MAGI2: variants seen among roughly 807,000 people sequenced by gnomAD.
The protein encoded by MAGI2 is membrane-associated guanylate kinase, WW and PDZ domain-containing protein 2.
A neutral mutation model predicts 133.3 loss-of-function variants in MAGI2; 35 were observed. That is an observed-to-expected ratio of 0.26 (90% confidence interval 0.20 to 0.35). The LOEUF is 0.35. Among genes scored for constraint, MAGI2 ranks in the 10% least tolerant of loss-of-function variants. MAGI2 has a pLI of 1.00. For synonymous variants in MAGI2, 729 were observed against 710.6 expected (o/e 1.03, Z -0.41); for missense variants, 1,636 against 1,863.4 (o/e 0.88, Z 2.25).
intron 1 of MAGI2, among the ~76,000 whole-genome samples, chr7:79,050,699 GA>G (rs1584792335): frequency 1.3e-5 from 2 of 152,056 alleles, no homozygotes; most frequent in African/African-American, 4.8e-5. Flanking sequence ...ATAAATTCTC[GA>G]AAAAATTTTT....
At chr7:78,550,251 G>C (rs1429867035) in intron 3 of MAGI2, among the ~76,000 whole-genome samples, 1 of 152,176 alleles carries the variant, frequency 6.6e-6, no homozygotes, top group Non-Finnish European at 1.5e-5. Flanking sequence ...CTTTAGAACA[G>C]AAGTTAGATG....
intron 1 of MAGI2, among the ~76,000 whole-genome samples, chr7:79,204,956 T>G (rs1200881794): frequency 6.6e-6 from 1 of 151,396 alleles, no homozygotes; most frequent in African/African-American, 2.4e-5. Context: ...TGTAAAGGAA[T>G]GAAAAAAGCT....
At chr7:78,078,802 GTGTGTGTGTGTA>G in intron 21 of MAGI2, 133 bp downstream of exon 21, 2 of 766,526 alleles carry the variant, frequency 2.6e-6, no homozygotes, top group Non-Finnish European at 4.4e-6. Context: ...GTGTGTGTGT[GTGTGTGTGTGTA>G]TATATATACC....
intron 3 of MAGI2, among the ~76,000 whole-genome samples, chr7:78,619,157 G>T (rs144231958): frequency 1.3e-5 from 2 of 151,306 alleles, no homozygotes; most frequent in Admixed American, 6.6e-5. Flanking sequence ...ATAAATATAC[G>T]CAATTATTAT....
chr7:78,838,054 T>A (rs1301812332), intron 2 of MAGI2, among the ~76,000 whole-genome samples: 10 of 152,134 alleles, frequency 6.6e-5, no homozygotes, highest in Non-Finnish European at 1.5e-4. Context: ...CTCATGCATC[T>A]TTAATGCATC....
rs558008676 is a variant in MAGI2, at chr7:78,864,011, G to A, written c.418+143079C>T. 1.3e-4 allele frequency among the ~76,000 whole-genome samples: 20 copies of A among 152,308 alleles called. No homozygotes were observed. The South Asian group carries it at 4.1e-3, about 32-fold the overall frequency. On this transcript the variant is annotated intron_variant, in intron 2 of 21. Transcript: ENST00000354212. ...AGTGTTCATTTGATGGGAAAAAGCTGTACAAGGTAAGAGTTAAGCTTTTGA... is the reference window on the plus strand; with the variant it reads ...AGTGTTCATTTGATGGGAAAAAGCTATACAAGGTAAGAGTTAAGCTTTTGA...
intron 2 of MAGI2, among the ~76,000 whole-genome samples, chr7:78,954,748 G>A (rs183077853): frequency 7.9e-5 from 12 of 152,252 alleles, no homozygotes; most frequent in East Asian, 5.8e-4. Flanking sequence ...GTTTTACTGC[G>A]TGTTAATAGA....
chr7:79,256,758 T>G (rs1475866212), intron 1 of MAGI2, among the ~76,000 whole-genome samples: 2 of 152,264 alleles, frequency 1.3e-5, no homozygotes, highest in East Asian at 3.9e-4. Context: ...CCCAAAGTGT[T>G]GGGATTACAG....
intron 1 of MAGI2, among the ~76,000 whole-genome samples, chr7:79,356,866 A>C (rs772208468): frequency 6.6e-6 from 1 of 152,200 alleles, no homozygotes; most frequent in Non-Finnish European, 1.5e-5. Flanking sequence ...TACTCTTTAC[A>C]TCAATGAGTA....
chr7:78,359,331 T>G (rs973021916), intron 7 of MAGI2: 6 of 152,212 alleles, frequency 3.9e-5, no homozygotes, highest in Non-Finnish European at 8.8e-5. Flanking sequence ...GATCTTACTG[T>G]TATTCAAAGG....
At position 78,774,650 on chromosome 7, in the gene MAGI2, C is replaced by G. The variant is rs530443555; in HGVS notation, c.419-147411G>C. On this transcript the variant is annotated intron_variant, in intron 2 of 21. Coordinates refer to ENST00000354212, the MANE Select transcript of MAGI2 (RefSeq NM_012301.4). ...ATCTCATCAGTTATAGCCAGAGTGT[C>G]TCACATTCACTTTGCAGGAGCTCTG... Among the ~76,000 whole-genome samples the G allele has an allele frequency of 6.6e-5, 10 of 152,268 alleles. No homozygotes were observed. In the South Asian group the frequency reaches 2.1e-3, roughly 32 times the overall value.
intron 2 of MAGI2, among the ~76,000 whole-genome samples, chr7:78,754,886 G>C (rs1823798176): frequency 6.6e-6 from 1 of 152,142 alleles, no homozygotes; most frequent in Non-Finnish European, 1.5e-5. Flanking sequence ...TGATATTTCA[G>C]GTCTGCTTCC....
intron 11 of MAGI2, among the ~76,000 whole-genome samples, chr7:78,196,512 T>C (rs949936431): frequency 6.6e-6 from 1 of 152,236 alleles, no homozygotes; most frequent in Non-Finnish European, 1.5e-5. Context: ...ACCGTCCTGC[T>C]TTAGTTTTCA....
chr7:79,237,661 A>G (rs1418191100), intron 1 of MAGI2, among the ~76,000 whole-genome samples: 1 of 152,114 alleles, frequency 6.6e-6, no homozygotes, highest in Non-Finnish European at 1.5e-5. Flanking sequence ...TTCTCTACCT[A>G]TTATATTAAT....
chr7:78,667,938 T>C (rs889444183), intron 2 of MAGI2, among the ~76,000 whole-genome samples: 5 of 152,194 alleles, frequency 3.3e-5, no homozygotes, highest in East Asian at 3.9e-4. Flanking sequence ...ATGGTATTTC[T>C]AGTTCTAGAT....
chr7:78,641,764 A>G (rs1810339988), intron 2 of MAGI2, among the ~76,000 whole-genome samples: 2 of 152,202 alleles, frequency 1.3e-5, no homozygotes, highest in African/African-American at 2.4e-5. Context: ...ATGGGGGAAA[A>G]TATCTGTAGA....
intron 6 of MAGI2, among the ~76,000 whole-genome samples, chr7:78,386,635 G>A (rs557280943): frequency 1.3e-5 from 2 of 152,318 alleles, no homozygotes; most frequent in African/African-American, 4.8e-5. Flanking sequence ...AAGCTTTCAG[G>A]AAATGTTAAA....
chr7:79,039,129 C>T (rs1329921905), intron 1 of MAGI2, among the ~76,000 whole-genome samples: 2 of 152,022 alleles, frequency 1.3e-5, no homozygotes, highest in African/African-American at 4.8e-5. Context: ...CCCCCTGCTC[C>T]CCCCATGCTG....
intron 2 of MAGI2, among the ~76,000 whole-genome samples, chr7:78,775,797 AG>A (rs1244225327): frequency 1.3e-5 from 2 of 152,242 alleles, no homozygotes; most frequent in Non-Finnish European, 2.9e-5. Context: ...AAAACTAATA[AG>A]TGCAGTTTCT....
Sources: allele counts gnomAD v4.1 joint callset (sites outside exome capture counted in the v4.1 genomes callset), GRCh38; gene constraint gnomAD v4.1.1; transcripts MANE v1.5; gene names NCBI Gene and HGNC (gene_info 2026-07-23, HGNC 2026-07-21).